The following BMPER variants were observed in gnomAD, a reference collection of about 807,000 sequenced individuals.
The protein encoded by BMPER is BMP-binding endothelial regulator protein.
In BMPER, 45 loss-of-function variants were observed where a neutral mutation model predicts 87.3. The observed-to-expected ratio is 0.52, with a 90% CI of 0.41 to 0.66. BMPER has a LOEUF of 0.66. BMPER is among the 30% of genes least tolerant of loss of function. The pLI is 0.00. For synonymous variants in BMPER, 326 were observed against 316.2 expected, an observed-to-expected ratio of 1.03 and a Z score of -0.33; for missense variants, 784 against 867.5, an observed-to-expected ratio of 0.90 and a Z score of 1.21.
At chr7:34,027,647 T>C (rs1787391497) in intron 6 of BMPER, among the ~76,000 whole-genome samples, 1 of 152,112 alleles carries the variant, frequency 6.6e-6, no homozygotes, top group Non-Finnish European at 1.5e-5. Flanking sequence ...AGACAAATTA[T>C]GGTTATTAAG....
In BMPER at chr7:33,905,571, C is replaced by T. The variant is rs775814010; in HGVS notation, c.-43C>T. On this transcript the variant is annotated 5_prime_UTR_variant, in exon 1 of 15. Transcript: ENST00000649409. The stretch of plus-strand genomic sequence containing the variant: ...AGCTGCGGCAGCTGAGCAGAGGCGG[C>T]GGCGCGGGACCTGCAGTCGCCAGGG... The T allele has an allele frequency of 6.2e-7, 1 of 1,604,596 alleles. No homozygotes were observed. Among genetic ancestry groups the T allele is most frequent in the Non-Finnish European group, 8.5e-7 (1 of 1,179,008 alleles).
intron 13 of BMPER, among the ~76,000 whole-genome samples, chr7:34,114,417 G>T (rs1160182219): frequency 6.6e-6 from 1 of 152,164 alleles, no homozygotes; most frequent in African/African-American, 2.4e-5. Flanking sequence ...TCTGCAGTTT[G>T]TTTTATTGAT....
chr7:34,115,881 C>T (rs1454027329), intron 13 of BMPER, among the ~76,000 whole-genome samples: 1 of 152,122 alleles, frequency 6.6e-6, no homozygotes, highest in Non-Finnish European at 1.5e-5. Context: ...TATGGTTATT[C>T]CATGTTTAAT....
intron 3 of BMPER, among the ~76,000 whole-genome samples, chr7:33,950,923 C>A (rs1380998253): frequency 6.6e-6 from 1 of 152,174 alleles, no homozygotes; most frequent in Non-Finnish European, 1.5e-5. Context: ...ACAGTACAAG[C>A]TAGCAAACGC....
intron 2 of BMPER, among the ~76,000 whole-genome samples, chr7:33,916,370 G>A (rs1377136616): frequency 1.3e-5 from 2 of 152,226 alleles, no homozygotes; most frequent in Non-Finnish European, 2.9e-5. Context: ...AAATCAGGAA[G>A]TGGCAGGTAG....
chr7:34,081,407 A>G (rs1463966047), intron 12 of BMPER, among the ~76,000 whole-genome samples: 1 of 152,216 alleles, frequency 6.6e-6, no homozygotes, highest in Non-Finnish European at 1.5e-5. Context: ...AAGATGGGAG[A>G]TGGGAGGAAT....
rs189962639 is a variant in BMPER, at chr7:33,941,091, T to A, written c.319+3703T>A. On this transcript the variant is annotated intron_variant, in intron 3 of 14. Transcript: ENST00000649409. ...ATATAATTTATATATTTATATATAA[T>A]TTATATGTAATATATTACATATAAT... 3.8e-3 allele frequency among the ~76,000 whole-genome samples: 518 copies of A among 136,652 alleles called. 2 individuals carry two copies. The highest frequency in any genetic ancestry group is 0.011 in the African/African-American group (411 of 36,722). The allele number at this position is 136,652 out of a possible 152,430, so 89.6% of individuals were successfully genotyped here.
At chr7:34,084,931 T>C (rs1789158291) in intron 12 of BMPER, among the ~76,000 whole-genome samples, 2 of 152,244 alleles carry the variant, frequency 1.3e-5, no homozygotes, top group South Asian at 2.1e-4. Flanking sequence ...CTAAGTTCTC[T>C]ACATTCTGGA....
Position 33,906,834 on chromosome 7 carries a change from T to C in BMPER, c.150T>C (p.Cys50=). The C allele has an allele frequency of 6.2e-7, 1 of 1,613,806 alleles. No homozygotes were observed. Among genetic ancestry groups the C allele is most frequent in the Non-Finnish European group, 8.5e-7 (1 of 1,179,796 alleles). ...SSFLTGSVAK[C]ENEGEVLQIP... ...GAATTTCAGGTTCTGTTGCAAAATG[T>C]GAAAATGAAGGTGAAGTCCTCCAGA... Residue 50 remains cysteine, a synonymous_variant, in exon 2 of 15, where the codon TGT becomes TGC. Transcript: ENST00000649409.
chr7:33,966,487 T>A lies in BMPER; in HGVS notation c.328T>A (p.Tyr110Asn). ...ACCEQCKGCT[Y>N]EGNTYNSSFK... ...CTGTGTCTCCTGTCTAGGTTGCACC[T>A]ATGAAGGAAATACCTATAACAGCTC... The change falls in exon 4 of 15, where the codon TAT becomes AAT. Residue 110 changes from tyrosine (Y) to asparagine (N), a missense_variant. Coordinates refer to ENST00000649409, the MANE Select transcript of BMPER (RefSeq NM_001365308.1). 1 of 1,613,658 alleles carries A rather than the reference T, an allele frequency of 6.2e-7. No homozygotes were observed. The highest frequency in any genetic ancestry group is 8.5e-7 in the Non-Finnish European group (1 of 1,179,616).
chr7:33,937,450 T>A, intron 3 of BMPER, 62 bp downstream of exon 3: 3 of 1,530,906 alleles, frequency 2.0e-6, no homozygotes, highest in Non-Finnish European at 2.7e-6. Context: ...TATTTCTCTT[T>A]CTCTCACCTT....
At chr7:33,924,006 C>G (rs1274541715) in intron 2 of BMPER, among the ~76,000 whole-genome samples, 1 of 152,190 alleles carries the variant, frequency 6.6e-6, no homozygotes, top group Non-Finnish European at 1.5e-5. Flanking sequence ...CCAGCTGCAT[C>G]TGTCCACGTG....
intron 1 of BMPER, among the ~76,000 whole-genome samples, chr7:33,906,328 G>A (rs1031886077): frequency 9.2e-5 from 14 of 152,338 alleles, no homozygotes; most frequent in Non-Finnish European, 1.3e-4. Context: ...GAAGGGAAAA[G>A]GGGATTGCGT....
At chr7:33,944,442 C>T (rs1384588740) in intron 3 of BMPER, among the ~76,000 whole-genome samples, 1 of 152,224 alleles carries the variant, frequency 6.6e-6, no homozygotes, top group African/African-American at 2.4e-5. Context: ...GCTGGGATTA[C>T]AGGCATGAGC....
chr7:34,107,945 A>C (rs1789865885), intron 13 of BMPER, among the ~76,000 whole-genome samples: 1 of 152,188 alleles, frequency 6.6e-6, no homozygotes, highest in Admixed American at 6.5e-5. Flanking sequence ...TCTAATATCC[A>C]CCTCATAATT....
At chr7:33,989,783 G>C (rs1276640693) in intron 6 of BMPER, among the ~76,000 whole-genome samples, 1 of 152,044 alleles carries the variant, frequency 6.6e-6, no homozygotes, top group Non-Finnish European at 1.5e-5. Context: ...ATCTTGAATT[G>C]ATTTTTGTAT....
chr7:34,122,955 T>G (rs764042762), intron 13 of BMPER, among the ~76,000 whole-genome samples: 1 of 152,214 alleles, frequency 6.6e-6, no homozygotes, highest in Non-Finnish European at 1.5e-5. Context: ...CATTCATTAA[T>G]ATAATATTTC....
chr7:34,118,244 G>C (rs781683325), intron 13 of BMPER, among the ~76,000 whole-genome samples: 1 of 152,218 alleles, frequency 6.6e-6, no homozygotes, highest in African/African-American at 2.4e-5. Flanking sequence ...GGCGGAGTTT[G>C]CAGTGAGCCG....
intron 6 of BMPER, among the ~76,000 whole-genome samples, chr7:34,002,631 T>A (rs1288196585): frequency 6.6e-6 from 1 of 151,870 alleles, no homozygotes; most frequent in Admixed American, 6.6e-5. Context: ...TATTGAATTC[T>A]CAAATTATTT....
Sources: allele counts gnomAD v4.1 joint callset (sites outside exome capture counted in the v4.1 genomes callset), GRCh38; gene constraint gnomAD v4.1.1; transcripts MANE v1.5; gene names NCBI Gene and HGNC (gene_info 2026-07-23, HGNC 2026-07-21).